The following WWOX variants were observed in gnomAD, a reference collection of about 807,000 sequenced individuals.
WWOX encodes WW domain containing oxidoreductase.
Under a neutral mutation model 46.2 loss-of-function variants are expected in WWOX, and 69 were observed. The ratio of observed to expected loss-of-function variants is 1.49; its 90% CI spans 1.23 to 1.82. The LOEUF (loss-of-function observed/expected upper bound fraction) is 1.82, where lower values mean the gene tolerates loss of function less well. Ranked by LOEUF, WWOX falls within the 40% of genes most tolerant of loss-of-function variation. WWOX has a pLI of 0.00. For missense variants in WWOX, 919 were observed against 542.6 expected, an observed-to-expected ratio of 1.69 and a Z score of -6.89; for synonymous variants, 359 against 202.6, an observed-to-expected ratio of 1.77 and a Z score of -6.56.
chr16:78,392,309 C>G (rs1423195882), intron 6 of WWOX, among the ~76,000 whole-genome samples: 1 of 152,084 alleles, frequency 6.6e-6, no homozygotes, highest in Non-Finnish European at 1.5e-5. Flanking sequence ...GCTGCATGCT[C>G]CTTACGAAAA....
At chr16:78,763,912 C>G (rs1298419655) in intron 8 of WWOX, among the ~76,000 whole-genome samples, 1 of 152,154 alleles carries the variant, frequency 6.6e-6, no homozygotes, top group Non-Finnish European at 1.5e-5. Context: ...CCCCAAAACC[C>G]TCTTCTATTT....
chr16:79,022,466 C>T (rs948713172), intron 8 of WWOX, among the ~76,000 whole-genome samples: 1 of 151,684 alleles, frequency 6.6e-6, no homozygotes, highest in Non-Finnish European at 1.5e-5. Flanking sequence ...TGTCTCTGTG[C>T]CCTTTTACAG....
intron 5 of WWOX, among the ~76,000 whole-genome samples, chr16:78,352,544 T>TTCTCTC (rs1260817338): frequency 1.3e-5 from 2 of 152,208 alleles, no homozygotes; most frequent in African/African-American, 4.8e-5. Context: ...CTGTTCCTGG[T>TTCTCTC]TCTCTCTCTT....
intron 8 of WWOX, among the ~76,000 whole-genome samples, chr16:78,819,926 T>A (rs1567582711): frequency 7.3e-6 from 1 of 136,292 alleles, no homozygotes; most frequent in East Asian, 1.9e-4. Flanking sequence ...CATTATTTAC[T>A]TATTTATGTA....
intron 8 of WWOX, among the ~76,000 whole-genome samples, chr16:78,965,888 A>G (rs979994351): frequency 6.6e-6 from 1 of 152,144 alleles, no homozygotes; most frequent in African/African-American, 2.4e-5. Flanking sequence ...CCCAAGCAGT[A>G]TTGCCGTGGT....
chr16:78,918,951 C>G (rs77531186), intron 8 of WWOX, among the ~76,000 whole-genome samples: 8,293 of 152,148 alleles, frequency 0.055, 410 homozygotes, highest in African/African-American at 0.14. Flanking sequence ...AAGAAGAGTA[C>G]CTTTCTGATT....
chr16:78,175,764 G>T (rs1784538518), intron 5 of WWOX, among the ~76,000 whole-genome samples: 1 of 152,186 alleles, frequency 6.6e-6, no homozygotes, highest in South Asian at 2.1e-4. Flanking sequence ...ATACCAAATG[G>T]TTACTGTTTT....
At chr16:78,572,526 C>T (rs62034034) in intron 8 of WWOX, among the ~76,000 whole-genome samples, 18,935 of 138,612 alleles carry the variant, frequency 0.14, 1,327 homozygotes, top group Middle Eastern at 0.17. Context: ...CCTCTTGAGC[C>T]GGGAAGGTCG....
chr16:78,520,743 G>T (rs543200067), intron 8 of WWOX, among the ~76,000 whole-genome samples: 1 of 152,072 alleles, frequency 6.6e-6, no homozygotes, highest in Non-Finnish European at 1.5e-5. Flanking sequence ...CACGGCCAAT[G>T]ATTCACCCTC....
chr16:79,211,765 T>A lies in WWOX; in HGVS notation c.1214T>A (p.Ile405Asn). 1.2e-6 allele frequency: 2 copies of A among 1,614,088 alleles called. No individual in the cohort carries two copies. Among genetic ancestry groups the A allele is most frequent in the African/African-American group, 2.7e-5 (2 of 75,054 alleles). ...CTGTGGGCGCTCAGCGAGAGGCTGA[T>A]CCAAGAACGGCTTGGCAGCCAGTCC... ...RTLWALSERLIQERLGSQSG is the reference protein window; with the variant it reads ...RTLWALSERLNQERLGSQSG Residue 405 changes from isoleucine (I) to asparagine (N), a missense_variant, in exon 9 of 9, where the codon ATC becomes AAC. Physicochemically the swap from Ile to Asn is moderately radical, Grantham distance 149. Coordinates refer to ENST00000566780, the MANE Select transcript of WWOX (RefSeq NM_016373.4).
chr16:78,122,081 T>C (rs952149772), intron 4 of WWOX, among the ~76,000 whole-genome samples: 1 of 152,194 alleles, frequency 6.6e-6, no homozygotes, highest in Admixed American at 6.5e-5. Flanking sequence ...TACATTGTTA[T>C]AGTTCTATTT....
intron 4 of WWOX, among the ~76,000 whole-genome samples, chr16:78,125,420 C>A (rs1055662691): frequency 2.6e-5 from 4 of 152,244 alleles, no homozygotes; most frequent in Middle Eastern, 3.4e-3. Context: ...GCAGCTCATT[C>A]ATTTTGTTAA....
intron 8 of WWOX, among the ~76,000 whole-genome samples, chr16:78,750,161 T>C (rs1483248557): frequency 1.3e-5 from 2 of 152,148 alleles, no homozygotes; most frequent in Non-Finnish European, 2.9e-5. Context: ...TCGGTGAAAG[T>C]AGAGGTGTTT....
At chr16:78,763,702 T>A (rs2049851088) in intron 8 of WWOX, among the ~76,000 whole-genome samples, 1 of 152,204 alleles carries the variant, frequency 6.6e-6, no homozygotes, top group African/African-American at 2.4e-5. Context: ...TTCCACGAAG[T>A]TGTTATTTGG....
intron 6 of WWOX, among the ~76,000 whole-genome samples, chr16:78,412,043 C>T (rs891297116): frequency 1.3e-5 from 2 of 152,088 alleles, no homozygotes; most frequent in Non-Finnish European, 2.9e-5. Flanking sequence ...TGTGAGGGTG[C>T]CCTCCAGCAA....
At chr16:78,177,145 C>G (rs184265461) in intron 5 of WWOX, among the ~76,000 whole-genome samples, 25 of 152,282 alleles carry the variant, frequency 1.6e-4, no homozygotes, top group African/African-American at 6.0e-4. Context: ...ATGCAGCTTG[C>G]TTTTTCTTTT....
chr16:78,381,230 C>T (rs920924732), intron 5 of WWOX, among the ~76,000 whole-genome samples: 1 of 152,200 alleles, frequency 6.6e-6, no homozygotes, highest in East Asian at 1.9e-4. Context: ...AATTTATAGT[C>T]ATAAAATGAT....
intron 8 of WWOX, among the ~76,000 whole-genome samples, chr16:78,444,885 A>G (rs74030260): frequency 0.016 from 2,408 of 152,242 alleles, 63 homozygotes; most frequent in African/African-American, 0.055. Context: ...AACTCACTCA[A>G]ATGCTGCTGT....
rs1432720296 is a variant in WWOX at position 78,847,780 on chromosome 16, AAAAG to A, written c.1057-363825_1057-363822del. Reference sequence around the variant, plus strand: ...AAAAATGGTAGCTTGTTTAAAAAAAAAAAGAAGAAGAAAAAGGAAAACAGTATTT... The same window carrying A: ...AAAAATGGTAGCTTGTTTAAAAAAAAAAGAAGAAAAAGGAAAACAGTATTT... On this transcript the variant is annotated intron_variant, in intron 8 of 8. Transcript: ENST00000566780. Among the ~76,000 whole-genome samples the A allele has an allele frequency of 2.0e-5, 3 of 152,272 alleles. No homozygotes were observed. In the East Asian group the frequency reaches 5.8e-4, roughly 29 times the overall value.
Sources: gnomAD v4.1 joint callset for allele counts (sites outside exome capture counted in the v4.1 genomes callset) on GRCh38, gnomAD v4.1.1 for gene constraint, MANE v1.5 for transcripts, NCBI Gene and HGNC (gene_info 2026-07-23, HGNC 2026-07-21) for gene names.